Variants in ATR observed in about 807,000 individuals in gnomAD.
ATR encodes the protein ATR checkpoint kinase, also known as serine/threonine-protein kinase ATR.
In ATR, 142 loss-of-function variants were observed where a neutral mutation model predicts 305.3. That is an observed-to-expected ratio of 0.47 (90% CI 0.41 to 0.53). The LOEUF is 0.53. ATR is among the 20% of genes least tolerant of loss of function. The pLI is 0.00. For synonymous variants in ATR, 1,050 were observed against 1,068.1 expected, an observed-to-expected ratio of 0.98 and a Z score of 0.33; for missense variants, 2,135 against 3,133.1, an observed-to-expected ratio of 0.68 and a Z score of 7.60.
rs556313656 is a variant in ATR, at chr3:142,458,990, C to T, written c.7471G>A (p.Val2491Ile). 96 of 1,613,734 alleles carry T rather than the reference C, an allele frequency of 5.9e-5. 1 individual carries two copies. Among genetic ancestry groups the T allele is most frequent in the Non-Finnish European group, 7.0e-5 (82 of 1,179,704 alleles). ...ILFDSLTGEC[V>I]HVDFNCLFNK... Reference sequence around the variant, plus strand: ...AAAAGACAATTGAAATCTACATGTACGCATTCACCAGTCAAAGAATCAAAG... The same window carrying T: ...AAAAGACAATTGAAATCTACATGTATGCATTCACCAGTCAAAGAATCAAAG... The change falls in exon 44 of 47, where the codon GTA (valine) becomes ATA (isoleucine). Residue 2491 changes from valine (V) to isoleucine (I), a missense_variant. Transcript: ENST00000350721.
intron 36 of ATR, among the ~76,000 whole-genome samples, chr3:142,483,418 T>C (rs187261251): frequency 6.6e-6 from 1 of 152,284 alleles, no homozygotes; most frequent in African/African-American, 2.4e-5. Context: ...AAAGTTATAT[T>C]TCACCTATTA....
At chr3:142,480,311 G>A (rs562959962) in intron 36 of ATR, among the ~76,000 whole-genome samples, 36 of 152,306 alleles carry the variant, frequency 2.4e-4, no homozygotes, top group Non-Finnish European at 4.9e-4. Flanking sequence ...TAACAGTCAG[G>A]ACCCTCAGCT....
Position 142,556,154 on chromosome 3 carries a change from GA to G in ATR, c.2079-16del, listed in dbSNP as rs2034664997. 6.2e-7 allele frequency: 1 copy of G among 1,611,052 alleles called. No individual in the cohort carries two copies. The highest frequency in any genetic ancestry group is 2.2e-5 in the East Asian group (1 of 44,838). ...TGACTTTATCTCTGGGGAAAAAAAA[GA>G]AAAAGTACTAAACTTTCTTGCCTAA... On this transcript the variant is annotated splice_polypyrimidine_tract_variant and intron_variant, in intron 9 of 46. Transcript: ENST00000350721.
intron 36 of ATR, among the ~76,000 whole-genome samples, chr3:142,475,102 T>C (rs919151739): frequency 6.6e-6 from 1 of 152,188 alleles, no homozygotes; most frequent in African/African-American, 2.4e-5. Context: ...TTTATATATA[T>C]ATGTTTTTAA....
rs1317319308 is a variant in ATR at position 142,469,304 on chromosome 3, C to A, written c.6552+33G>T. On this transcript the variant is annotated intron_variant, in intron 38 of 46. Coordinates refer to ENST00000350721, the MANE Select transcript of ATR (RefSeq NM_001184.4). ...AAGTTCATATAAAATGGTAAAAGAT[C>A]TTTTCATATAAAAAGGTAAAAGACC... 2.6e-6 allele frequency: 4 copies of A among 1,550,080 alleles called. No homozygotes were observed. The East Asian group carries it at 9.0e-5, about 35-fold the overall frequency.
chr3:142,561,852 T>G (rs2034892770), intron 4 of ATR, among the ~76,000 whole-genome samples: 1 of 152,204 alleles, frequency 6.6e-6, no homozygotes, highest in African/African-American at 2.4e-5. Context: ...TTGGCATGAT[T>G]AATCATTCAT....
intron 35 of ATR, among the ~76,000 whole-genome samples, chr3:142,486,975 A>AC (rs1246422347): frequency 6.7e-5 from 10 of 150,342 alleles, no homozygotes; most frequent in Non-Finnish European, 1.2e-4. Context: ...AAAAAAAAAA[A>AC]AAAAAACAAT....
chr3:142,502,373 T>C (rs923937042), intron 30 of ATR, among the ~76,000 whole-genome samples: 4 of 148,022 alleles, frequency 2.7e-5, no homozygotes, highest in Non-Finnish European at 5.9e-5. Flanking sequence ...CACAATGGAA[T>C]ACTATGCAGC....
intron 21 of ATR, among the ~76,000 whole-genome samples, chr3:142,528,390 A>G (rs1489491691): frequency 2.0e-5 from 3 of 152,182 alleles, no homozygotes; most frequent in Non-Finnish European, 4.4e-5. Context: ...TATTTGGAGC[A>G]TATTCATAAC....
intron 38 of ATR, among the ~76,000 whole-genome samples, chr3:142,468,903 A>G (rs910527351): frequency 6.6e-6 from 1 of 152,180 alleles, no homozygotes; most frequent in Non-Finnish European, 1.5e-5. Context: ...AGGCAAGAGG[A>G]TCACTTGAAC....
intron 42 of ATR, 148 bp from the exon 43 acceptor site, chr3:142,459,531 T>A: frequency 2.3e-6 from 2 of 863,252 alleles, no homozygotes; most frequent in South Asian, 1.6e-5. Context: ...CAATTAAGCA[T>A]ACATAAAGTT....
chr3:142,553,419 C>G (rs1185512867), intron 12 of ATR, 21 bp from the exon 13 acceptor site: 1 of 1,595,636 alleles, frequency 6.3e-7, no homozygotes, highest in Non-Finnish European at 8.6e-7. Flanking sequence ...AAACAACATA[C>G]ATATGAATAC....
intron 42 of ATR, among the ~76,000 whole-genome samples, chr3:142,461,137 C>G (rs2071016336): frequency 6.6e-6 from 1 of 152,108 alleles, no homozygotes; most frequent in African/African-American, 2.4e-5. Context: ...TATTTCTCTA[C>G]TGTAAAGTTA....
rs2032779017 is a variant in ATR, at chr3:142,514,743, A to AT, written c.4503+651_4503+652insA. Among the ~76,000 whole-genome samples the AT allele has an allele frequency of 2.0e-5, 3 of 146,744 alleles. No individual in the cohort carries two copies. In the South Asian group the frequency reaches 6.5e-4, roughly 32 times the overall value. ...AATCACTTGAACCCGGTAGGCGGAG[A>AT]CTTACAGTGAGCCGAGATCGCACCA... On this transcript the variant is annotated intron_variant, in intron 25 of 46. Coordinates refer to ENST00000350721, the MANE Select transcript of ATR (RefSeq NM_001184.4).
intron 9 of ATR, 44 bp downstream of exon 9, chr3:142,556,339 T>C: frequency 6.3e-7 from 1 of 1,575,716 alleles, no homozygotes; most frequent in Non-Finnish European, 8.7e-7. Context: ...AATTATGATC[T>C]TTCCAATAGA....
chr3:142,556,050 TAAA>T lies in ATR; in HGVS notation c.2165_2167del (p.Phe722del), dbSNP rs1364244707. 1.2e-6 allele frequency: 2 copies of T among 1,613,970 alleles called. No individual in the cohort carries two copies. The highest frequency in any genetic ancestry group is 2.7e-5 in the African/African-American group (2 of 74,930). On this transcript the variant is annotated inframe_deletion, in exon 10 of 47. Transcript: ENST00000350721. ...AGGTTCTGTTAAAGAACTTGTCAGATAAAACATGCCGTGAAGAGTACAGACAAG... is the reference window on the plus strand; with the variant it reads ...AGGTTCTGTTAAAGAACTTGTCAGATACATGCCGTGAAGAGTACAGACAAG...
rs143808646 is a variant in ATR at position 142,486,639 on chromosome 3, G to A, written c.6079-1357C>T. Among the ~76,000 whole-genome samples, 474 of 151,272 alleles carry A rather than the reference G, an allele frequency of 3.1e-3. 1 individual carries two copies. Among genetic ancestry groups the A allele is most frequent in the African/African-American group, 0.011 (451 of 41,174 alleles). On this transcript the variant is annotated intron_variant, in intron 35 of 46. Coordinates refer to ENST00000350721, the MANE Select transcript of ATR (RefSeq NM_001184.4). Reference sequence around the variant, plus strand: ...CTCCTTCCTCCCTCTCTTCTCTCTCGCTCCCTTTTTAGTTAAGATTTTTAA... The same window carrying A: ...CTCCTTCCTCCCTCTCTTCTCTCTCACTCCCTTTTTAGTTAAGATTTTTAA...
In ATR at chr3:142,466,491, T is replaced by A; in HGVS notation, c.6730A>T (p.Lys2244Ter). Residue 2244 changes from lysine to a stop codon, truncating the protein, a stop_gained, in exon 40 of 47, where the codon AAA becomes TAA. Transcript: ENST00000350721. LOFTEE classifies it high-confidence loss of function. ...SSTLSMSTHF[K>*]MLKKLVEEAT... The stretch of plus-strand genomic sequence containing the variant: ...TCTTCTACCAGCTTTTTAAGCATTT[T>A]AAAATGAGTGCTCATGCTTAATGTG... 1.9e-6 allele frequency: 3 copies of A among 1,613,940 alleles called. No individual in the cohort carries two copies. The highest frequency in any genetic ancestry group is 2.5e-6 in the Non-Finnish European group (3 of 1,179,886).
chr3:142,512,631 C>T, intron 26 of ATR, among the ~76,000 whole-genome samples, 161 bp from the exon 27 acceptor site: 1 of 152,140 alleles, frequency 6.6e-6, no homozygotes, highest in Non-Finnish European at 1.5e-5. Context: ...GAGGCTGAGG[C>T]AGCCCAATTG....
Sources: allele counts gnomAD v4.1 joint callset (sites outside exome capture counted in the v4.1 genomes callset), GRCh38; gene constraint gnomAD v4.1.1; transcripts MANE v1.5; gene names NCBI Gene and HGNC (gene_info 2026-07-23, HGNC 2026-07-21).